Variants in IQSEC1 observed in about 807,000 individuals in gnomAD.
IQSEC1 encodes the protein IQ motif and SEC7 domain-containing protein 1.
A neutral mutation model predicts 91.0 loss-of-function variants in IQSEC1; 31 were observed. That is an observed-to-expected ratio of 0.34 (90% CI 0.26 to 0.46). The LOEUF (loss-of-function observed/expected upper bound fraction) is 0.46, where lower values mean the gene tolerates loss of function less well. IQSEC1 is among the 20% of genes least tolerant of loss of function. IQSEC1 has a pLI of 1.00. For missense variants in IQSEC1, 1,388 were observed against 1,575.6 expected (o/e 0.88, Z 2.02); for synonymous variants, 699 against 662.6 (o/e 1.05, Z -0.84).
At chr3:12,917,325 C>T (rs930475846) in intron 6 of IQSEC1, among the ~76,000 whole-genome samples, 1 of 152,314 alleles carries the variant, frequency 6.6e-6, no homozygotes, top group East Asian at 1.9e-4. Flanking sequence ...AAACGTAGAA[C>T]GACCCTCATC....
At chr3:13,163,475 G>T (rs1181735933) in intron 2 of IQSEC1, among the ~76,000 whole-genome samples, 1 of 151,980 alleles carries the variant, frequency 6.6e-6, no homozygotes, top group Admixed American at 6.5e-5. Context: ...TGGTCCCCCA[G>T]CTCATGCCTT....
Position 12,901,205 on chromosome 3 carries a change from G to T in IQSEC1, c.3123C>A (p.His1041Gln). ...YCHMQNPPPY[H>Q]HHHHHHPPQH... Reference sequence around the variant, plus strand: ...GGGGTGGGTGGTGGTGGTGGTGATGGTGGTACGGGGGAGGGTTCTGCATGT... The same window carrying T: ...GGGGTGGGTGGTGGTGGTGGTGATGTTGGTACGGGGGAGGGTTCTGCATGT... Residue 1041 changes from histidine (H) to glutamine (Q), a missense_variant, in exon 14 of 14, where the codon CAC becomes CAA. Transcript: ENST00000613206. 1 of 1,546,310 alleles carries T rather than the reference G, an allele frequency of 6.5e-7. No homozygotes were observed.
chr3:13,270,538 A>G (rs1203238768), intron 1 of IQSEC1, among the ~76,000 whole-genome samples: 2 of 152,078 alleles, frequency 1.3e-5, no homozygotes, highest in South Asian at 2.1e-4. Context: ...CACTGTCAAC[A>G]TTCCCTGTCC....
intron 1 of IQSEC1, among the ~76,000 whole-genome samples, chr3:13,280,878 G>C (rs534678082): frequency 6.6e-6 from 1 of 152,358 alleles, no homozygotes; most frequent in South Asian, 2.1e-4. Flanking sequence ...CCACTAAGGG[G>C]AAGCCAGGTG....
intron 1 of IQSEC1, among the ~76,000 whole-genome samples, chr3:13,229,047 CAAAT>C (rs1194961092): frequency 1.3e-5 from 2 of 152,272 alleles, no homozygotes; most frequent in East Asian, 3.9e-4. Flanking sequence ...ATGGAATAAA[CAAAT>C]AAGCCTGTGA....
In IQSEC1 at chr3:13,211,918, G is replaced by A. The variant is rs915506866; in HGVS notation, c.273-47785C>T. ...GAACCTTTCCGTGGCCAGAGGACCCGAAACCCCCACGGCCCTGTGTTTTTG... is the reference window on the plus strand; with the variant it reads ...GAACCTTTCCGTGGCCAGAGGACCCAAAACCCCCACGGCCCTGTGTTTTTG... On this transcript the variant is annotated intron_variant, in intron 1 of 15. Transcript: ENST00000648114. The surrounding 1 kb of genome is among the most constrained non-coding windows in gnomAD (Gnocchi z 5.3). 5.9e-5 allele frequency among the ~76,000 whole-genome samples: 9 copies of A among 152,106 alleles called. No homozygotes were observed. Among genetic ancestry groups the A allele is most frequent in the South Asian group, 2.1e-4 (1 of 4,804 alleles).
chr3:13,000,584 C>G (rs1215083133), intron 1 of IQSEC1, among the ~76,000 whole-genome samples: 2 of 152,252 alleles, frequency 1.3e-5, no homozygotes, highest in African/African-American at 2.4e-5. Context: ...TGCTTCATCA[C>G]TGCTTTACTA....
chr3:13,081,047 A>G (rs932035202), intron 2 of IQSEC1, among the ~76,000 whole-genome samples: 16 of 152,260 alleles, frequency 1.1e-4, no homozygotes. Context: ...GGGATATTAT[A>G]CAGCCTTTAA....
exon 1 of IQSEC1, among the ~76,000 whole-genome samples, chr3:13,283,257 T>C (rs1695836699): frequency 6.6e-6 from 1 of 150,670 alleles, no homozygotes; most frequent in African/African-American, 2.4e-5. Flanking sequence ...TTTTGCAAAG[T>C]GCCGGCCGCG....
intron 2 of IQSEC1, among the ~76,000 whole-genome samples, chr3:13,095,493 T>A (rs980307581): frequency 6.6e-6 from 1 of 152,062 alleles, no homozygotes; most frequent in African/African-American, 2.4e-5. Flanking sequence ...AGACATGTGT[T>A]TCCTACTTAA....
intron 1 of IQSEC1, among the ~76,000 whole-genome samples, chr3:13,258,808 G>A (rs1021220655): frequency 2.6e-5 from 4 of 152,264 alleles, no homozygotes; most frequent in South Asian, 2.1e-4. Flanking sequence ...GCTGCGAATC[G>A]CACCCTCGCC....
chr3:13,140,342 G>A (rs1350587808), intron 2 of IQSEC1, among the ~76,000 whole-genome samples: 1 of 152,222 alleles, frequency 6.6e-6, no homozygotes, highest in East Asian at 1.9e-4. Flanking sequence ...ACACATAGTG[G>A]CAATGGAGCA....
intron 2 of IQSEC1, among the ~76,000 whole-genome samples, chr3:13,146,572 G>GTT (rs1706901931): frequency 6.6e-6 from 1 of 152,188 alleles, no homozygotes; most frequent in Non-Finnish European, 1.5e-5. Context: ...GGGCGCAGTG[G>GTT]CTCATGCCTG....
At chr3:13,060,006 G>A (rs750761973) in intron 1 of IQSEC1, among the ~76,000 whole-genome samples, 8 of 152,310 alleles carry the variant, frequency 5.3e-5, no homozygotes, top group Non-Finnish European at 8.8e-5. Flanking sequence ...ATGAGGCGCC[G>A]GCTTGGGGAT....
chr3:13,250,208 T>C (rs957631508), intron 1 of IQSEC1, among the ~76,000 whole-genome samples: 8 of 152,238 alleles, frequency 5.3e-5, no homozygotes, highest in African/African-American at 1.7e-4. Context: ...CAGCTGGGTT[T>C]GAACCAGCCA....
intron 1 of IQSEC1, among the ~76,000 whole-genome samples, chr3:13,261,284 C>T (rs1320063744): frequency 2.0e-5 from 3 of 152,188 alleles, no homozygotes; most frequent in South Asian, 4.1e-4. Context: ...ACACAATGTC[C>T]GGTCGATGTG....
Position 12,967,678 on chromosome 3 carries a change from G to C in IQSEC1, c.24-25813C>G. ...GGCCAGCCAAGCCCGCCCCTCCGCCGCCGCCCGCTTGGCGCAGCGCGAGGC... is the reference window on the plus strand; with the variant it reads ...GGCCAGCCAAGCCCGCCCCTCCGCCCCCGCCCGCTTGGCGCAGCGCGAGGC... On this transcript the variant is annotated intron_variant, in intron 1 of 13. Transcript: ENST00000613206. This position sits in a 1 kb window ranked among gnomAD's most constrained non-coding sequence, Gnocchi z 5.9. The C allele has an allele frequency of 8.6e-7, 1 of 1,166,770 alleles. No individual in the cohort carries two copies. The highest frequency in any genetic ancestry group is 4.3e-5 in the South Asian group (1 of 23,418). 72.3% of individuals were successfully genotyped at this position (1,166,770 alleles called of 1,614,324 possible). A position where few individuals can be genotyped will look rare whatever the true frequency, so the allele number is the denominator to read the frequency against.
intron 2 of IQSEC1, among the ~76,000 whole-genome samples, chr3:13,114,794 A>G (rs1387638954): frequency 7.0e-5 from 10 of 142,178 alleles, no homozygotes. Context: ...CATCGTCTCA[A>G]AAAAAAAAAA....
intron 2 of IQSEC1, among the ~76,000 whole-genome samples, chr3:13,156,295 A>G (rs1043689978): frequency 2.0e-5 from 3 of 152,156 alleles, no homozygotes; most frequent in Non-Finnish European, 4.4e-5. Context: ...AGGAATGGAA[A>G]GAAACTACCT....
Sources: gnomAD v4.1 joint callset for allele counts (sites outside exome capture counted in the v4.1 genomes callset) on GRCh38, gnomAD v4.1.1 for gene constraint, Gnocchi (gnomAD v3.1) non-coding constraint, MANE v1.5 for transcripts, NCBI Gene and HGNC (gene_info 2026-07-23, HGNC 2026-07-21) for gene names.